Variants in PVT1 observed in about 807,000 individuals in gnomAD.
PVT1 encodes Pvt1 oncogene, also known as CXCR4/PVT1 fusion.
chr8:128,063,320 T>C (rs1162639542), intron 4 of PVT1, among the ~76,000 whole-genome samples: 2 of 152,034 alleles, frequency 1.3e-5, no homozygotes, highest in East Asian at 3.9e-4. Flanking sequence ...CAAGATCATC[T>C]TGGCCAACAT....
intron 4 of PVT1, among the ~76,000 whole-genome samples, chr8:128,051,570 C>T (rs2648863): frequency 0.031 from 4,755 of 152,106 alleles, 174 homozygotes; most frequent in East Asian, 0.19. Context: ...TCTTGAGTTC[C>T]CATAATGTGT....
At chr8:127,974,280 T>G (rs1028701111) in intron 3 of PVT1, among the ~76,000 whole-genome samples, 5 of 152,220 alleles carry the variant, frequency 3.3e-5, no homozygotes. Context: ...TTTGACTTGA[T>G]GCTCAAATGC....
chr8:128,094,612 A>C (rs1249692148), intron 5 of PVT1, among the ~76,000 whole-genome samples: 2 of 152,254 alleles, frequency 1.3e-5, no homozygotes, highest in African/African-American at 4.8e-5. Flanking sequence ...AGCAATGATG[A>C]ATACCTACCC....
At chr8:128,024,738 C>G (rs781381101) in intron 4 of PVT1, among the ~76,000 whole-genome samples, 6 of 152,214 alleles carry the variant, frequency 3.9e-5, no homozygotes, top group Non-Finnish European at 8.8e-5. Context: ...CCAGGGAACA[C>G]CTGAGCTGCT....
intron 5 of PVT1, among the ~76,000 whole-genome samples, chr8:128,091,224 G>A (rs149620162): frequency 1.3e-3 from 201 of 152,262 alleles, no homozygotes; most frequent in African/African-American, 4.3e-3. Context: ...AGGCGTTCAT[G>A]AGTTTGTTTC....
At chr8:127,860,169 C>T (rs562106693) in intron 2 of PVT1, among the ~76,000 whole-genome samples, 7 of 152,176 alleles carry the variant, frequency 4.6e-5, no homozygotes, top group African/African-American at 1.2e-4. Context: ...TCCCAGTGAG[C>T]TCCAGGAGAC....
chr8:127,864,415 T>G (rs1815261986), intron 2 of PVT1, among the ~76,000 whole-genome samples: 1 of 152,150 alleles, frequency 6.6e-6, no homozygotes, highest in Non-Finnish European at 1.5e-5. Flanking sequence ...TGGGCAAGAT[T>G]CAGTAACTGG....
At chr8:127,818,163 C>T (rs1303347605) in intron 2 of PVT1, among the ~76,000 whole-genome samples, 1 of 152,152 alleles carries the variant, frequency 6.6e-6, no homozygotes, top group African/African-American at 2.4e-5. Context: ...GGGATTTCAC[C>T]CCCACTTCCT....
Position 128,075,351 on chromosome 8 carries a change from T to A in PVT1, n.1114+4990T>A, listed in dbSNP as rs189624367. ...ATATTCTTGTGGTCAGGGGCTGGAT[T>A]TTTTTACCTTCTTCATGCCTGGCAC... On this transcript the variant is annotated intron_variant and non_coding_transcript_variant, in intron 5 of 10. Coordinates refer to ENST00000651587, the Ensembl canonical transcript of PVT1. Among the ~76,000 whole-genome samples, 42 of 152,306 alleles carry A rather than the reference T, an allele frequency of 2.8e-4. 2 individuals carry two copies. Among genetic ancestry groups the A allele is most frequent in the Admixed American group, 2.5e-3 (39 of 15,296 alleles).
intron 4 of PVT1, among the ~76,000 whole-genome samples, chr8:128,038,533 C>G (rs1485122641): frequency 6.6e-6 from 1 of 152,154 alleles, no homozygotes; most frequent in Non-Finnish European, 1.5e-5. Context: ...CTTGAGGGTG[C>G]TGGCCTCTGG....
chr8:128,021,705 A>G (rs1024220827), intron 4 of PVT1, among the ~76,000 whole-genome samples: 1 of 152,232 alleles, frequency 6.6e-6, no homozygotes, highest in Non-Finnish European at 1.5e-5. Flanking sequence ...GGAGACATCC[A>G]TCTTAAAATA....
chr8:128,009,032 A>T, intron 4 of PVT1: 1 of 434,196 alleles, frequency 2.3e-6, no homozygotes, highest in Non-Finnish European at 5.1e-6. Context: ...TAACATTAAT[A>T]CCTATCACTG....
intron 3 of PVT1, among the ~76,000 whole-genome samples, chr8:127,935,800 T>G (rs574559737): frequency 6.6e-4 from 101 of 152,322 alleles, no homozygotes; most frequent in Non-Finnish European, 1.1e-3. Flanking sequence ...GAGAACAGTG[T>G]CCAGCATGCA....
intron 3 of PVT1, among the ~76,000 whole-genome samples, chr8:127,914,260 C>CTAAAA (rs1815950533): frequency 2.1e-5 from 1 of 47,842 alleles, no homozygotes; most frequent in Non-Finnish European, 4.5e-5. Context: ...CCACCAACAG[C>CTAAAA]AAAAAAAAAA....
chr8:127,979,849 T>C lies in PVT1; in HGVS notation n.783-9313T>C, dbSNP rs74740222. Among the ~76,000 whole-genome samples, 382 of 145,956 alleles carry C rather than the reference T, an allele frequency of 2.6e-3. 11 individuals carry two copies. The East Asian group carries it at 0.061, about 23-fold the overall frequency. ...GTAACTGCTTTAGAAGAAGCCTGGA[T>C]GGAGAAACATCTGCTTTGTTTTTTT... On this transcript the variant is annotated intron_variant and non_coding_transcript_variant, in intron 3 of 10. Transcript: ENST00000651587.
chr8:128,071,713 A>AATAC (rs1554609398), intron 5 of PVT1, among the ~76,000 whole-genome samples: 1 of 151,250 alleles, frequency 6.6e-6, no homozygotes, highest in African/African-American at 2.4e-5. Flanking sequence ...TAAATAAATA[A>AATAC]ATAAATAAAA....
At chr8:127,873,966 C>G (rs1334197370) in intron 2 of PVT1, among the ~76,000 whole-genome samples, 1 of 152,204 alleles carries the variant, frequency 6.6e-6, no homozygotes, top group East Asian at 1.9e-4. Context: ...CACTAGCTGC[C>G]AAGCAGCCAA....
chr8:127,826,110 T>G (rs1814786329), intron 2 of PVT1, among the ~76,000 whole-genome samples: 1 of 146,622 alleles, frequency 6.8e-6, no homozygotes, highest in Non-Finnish European at 1.5e-5. Context: ...TTCCCCCTCC[T>G]CTGCCTCCCA....
chr8:128,032,884 T>C (rs1450089874), intron 4 of PVT1, among the ~76,000 whole-genome samples: 2 of 152,248 alleles, frequency 1.3e-5, no homozygotes, highest in Admixed American at 6.5e-5. Flanking sequence ...TCCAAGCTTC[T>C]GCTGGCCTCT....
Sources: allele counts gnomAD v4.1 joint callset (sites outside exome capture counted in the v4.1 genomes callset), GRCh38; gene constraint gnomAD v4.1.1; transcripts MANE v1.5; gene names NCBI Gene and HGNC (gene_info 2026-07-23, HGNC 2026-07-21).